The following CAST variants were observed in gnomAD, a reference collection of about 807,000 sequenced individuals.
The protein encoded by CAST is MIR583 host.
In CAST, 76 loss-of-function variants were observed where a neutral mutation model predicts 119.6. That is an observed-to-expected ratio of 0.64 (90% CI 0.53 to 0.77). The LOEUF (loss-of-function observed/expected upper bound fraction) is 0.77, where lower values mean the gene tolerates loss of function less well. CAST is among the 30% of genes least tolerant of loss of function. The pLI is 0.00. For synonymous variants in CAST, 319 were observed against 331.6 expected, an observed-to-expected ratio of 0.96 and a Z score of 0.41; for missense variants, 953 against 946.5, an observed-to-expected ratio of 1.01 and a Z score of -0.09.
At chr5:95,982,953 TGTTCA>T in the CAST span, among the ~76,000 whole-genome samples, 4 of 152,350 alleles carry the variant, frequency 2.6e-5, no homozygotes, top group South Asian at 8.3e-4. Context: ...TTTGGAAATA[TGTTCA>T]GTTCTATACC....
At chr5:96,238,341 TTCTTCA>T in the CAST span, among the ~76,000 whole-genome samples, 82 of 123,750 alleles carry the variant, frequency 6.6e-4, no homozygotes, top group African/African-American at 2.3e-3. Flanking sequence ...CTTCTTCTTC[TTCTTCA>T]TCTTCATCTT....
intron 2 of CAST, among the ~76,000 whole-genome samples, chr5:96,682,155 C>T (rs73774380): frequency 0.024 from 3,595 of 152,270 alleles, 150 homozygotes; most frequent in African/African-American, 0.082. Context: ...CAGGCACCCA[C>T]TGGGGAATCT....
At chr5:96,295,404 G>A in the CAST span, among the ~76,000 whole-genome samples, 8 of 152,236 alleles carry the variant, frequency 5.3e-5, no homozygotes, top group Admixed American at 3.3e-4. Context: ...TTTATGCCCT[G>A]GGCATGACAC....
At chr5:96,203,802 T>TTAA in the CAST span, among the ~76,000 whole-genome samples, 5 of 151,904 alleles carry the variant, frequency 3.3e-5, no homozygotes, top group African/African-American at 9.7e-5. Flanking sequence ...TTGGAAGCAT[T>TTAA]TAATAATAAT....
At chr5:96,138,326 C>A in the CAST span, among the ~76,000 whole-genome samples, 1 of 151,826 alleles carries the variant, frequency 6.6e-6, no homozygotes, top group Non-Finnish European at 1.5e-5. Context: ...TTTCTGTACT[C>A]TCTATTCTGT....
the CAST span, among the ~76,000 whole-genome samples, chr5:96,466,495 C>T: frequency 6.6e-6 from 1 of 152,070 alleles, no homozygotes; most frequent in Non-Finnish European, 1.5e-5. Flanking sequence ...CTCGTGCTTG[C>T]CACCCTATTC....
chr5:96,565,942 G>T (rs191826101), intron 1 of CAST, among the ~76,000 whole-genome samples: 12 of 152,302 alleles, frequency 7.9e-5, no homozygotes, highest in Admixed American at 7.2e-4. Flanking sequence ...TAAATATCAT[G>T]GCAGGAGCCC....
the CAST span, chr5:95,973,381 G>GT: frequency 6.5e-6 from 1 of 152,860 alleles, no homozygotes; most frequent in Non-Finnish European, 1.5e-5. Flanking sequence ...GTTCCATCGT[G>GT]TATTCATCAA....
chr5:96,774,460 G>T lies in CAST; in HGVS notation c.*1844G>T. 1 of 969,224 alleles carries T rather than the reference G, an allele frequency of 1.0e-6. No individual in the cohort carries two copies. The highest frequency in any genetic ancestry group is 1.2e-6 in the Non-Finnish European group (1 of 813,484). The allele number at this position is 969,224 out of a possible 1,614,324, so 60.0% of individuals were successfully genotyped here. ...CCCTTTTTACAGTCTAGTTAGGAGA[G>T]AGAAAATAATTGCAAATATCCACTT... On this transcript the variant is annotated 3_prime_UTR_variant, in exon 32 of 32. Coordinates refer to ENST00000675179, the MANE Select transcript of CAST (RefSeq NM_001750.7).
chr5:96,458,474 CTTTCAGG>C, the CAST span, among the ~76,000 whole-genome samples: 3 of 152,156 alleles, frequency 2.0e-5, no homozygotes, highest in East Asian at 5.8e-4. Context: ...TAGTTGCCAA[CTTTCAGG>C]TTTTTGCCAA....
chr5:96,557,577 G>C (rs1673421864), intron 1 of CAST, among the ~76,000 whole-genome samples: 1 of 152,108 alleles, frequency 6.6e-6, no homozygotes, highest in Non-Finnish European at 1.5e-5. Context: ...TGATAAAACA[G>C]ACTTTAAACC....
intron 1 of CAST, among the ~76,000 whole-genome samples, chr5:96,646,882 G>A (rs150692158): frequency 0.01 from 1,578 of 152,282 alleles, 14 homozygotes; most frequent in Middle Eastern, 0.034. Flanking sequence ...GAAGTAACTT[G>A]TACTTCTAGA....
the CAST span, among the ~76,000 whole-genome samples, chr5:96,173,760 T>C: frequency 6.6e-6 from 1 of 152,030 alleles, no homozygotes; most frequent in Non-Finnish European, 1.5e-5. Flanking sequence ...CTTTTTTTTT[T>C]GTGAGACGGA....
chr5:96,326,521 TC>T, the CAST span, among the ~76,000 whole-genome samples: 1 of 152,166 alleles, frequency 6.6e-6, no homozygotes, highest in South Asian at 2.1e-4. Flanking sequence ...AGCATCTTTT[TC>T]TAGAAAGCTT....
the CAST span, among the ~76,000 whole-genome samples, chr5:96,069,730 G>C: frequency 2.7e-5 from 4 of 145,838 alleles, no homozygotes; most frequent in South Asian, 2.2e-4. Context: ...TGAACTCCAG[G>C]CCTAAAGCAA....
the CAST span, among the ~76,000 whole-genome samples, chr5:96,170,140 C>A: frequency 6.6e-6 from 1 of 152,154 alleles, no homozygotes; most frequent in African/African-American, 2.4e-5. Flanking sequence ...GGCAATCGGG[C>A]AGCATCGGTC....
the CAST span, among the ~76,000 whole-genome samples, chr5:96,158,219 G>A: frequency 3.9e-5 from 6 of 152,172 alleles, no homozygotes; most frequent in African/African-American, 1.4e-4. Context: ...AGAGAGGAGA[G>A]ACCATGAAAA....
chr5:96,299,934 T>C, the CAST span, among the ~76,000 whole-genome samples: 3 of 152,198 alleles, frequency 2.0e-5, no homozygotes, highest in African/African-American at 7.2e-5. Context: ...TTTAACAGGT[T>C]CCTTGCACAT....
the CAST span, among the ~76,000 whole-genome samples, chr5:96,171,518 C>G: frequency 2.0e-5 from 3 of 152,178 alleles, no homozygotes; most frequent in East Asian, 5.8e-4. Flanking sequence ...CCAAGGCAGG[C>G]GTCCCGGCGG....
Sources: gnomAD v4.1 joint callset for allele counts (sites outside exome capture counted in the v4.1 genomes callset) on GRCh38, gnomAD v4.1.1 for gene constraint, MANE v1.5 for transcripts, NCBI Gene and HGNC (gene_info 2026-07-23, HGNC 2026-07-21) for gene names.